Variants in MDFIC2 observed in about 807,000 individuals in gnomAD.
MDFIC2 encodes MyoD family inhibitor domain containing 2.
intron 2 of MDFIC2, among the ~76,000 whole-genome samples, chr3:70,221,296 T>C (rs533501766): frequency 1.1e-4 from 17 of 152,264 alleles, no homozygotes; most frequent in African/African-American, 3.4e-4. Context: ...CTAAGTGCTT[T>C]AAATGAATTC....
At chr3:70,220,527 G>A (rs1037796426) in intron 2 of MDFIC2, among the ~76,000 whole-genome samples, 3 of 152,098 alleles carry the variant, frequency 2.0e-5, no homozygotes, top group African/African-American at 4.8e-5. Context: ...GTACAAAATT[G>A]AATTTACTAC....
At chr3:70,253,582 G>A (rs1373071128) in intron 2 of MDFIC2, among the ~76,000 whole-genome samples, 1 of 152,132 alleles carries the variant, frequency 6.6e-6, no homozygotes, top group Non-Finnish European at 1.5e-5. Flanking sequence ...AATTAGCCAG[G>A]TGTGGTGATG....
intron 2 of MDFIC2, among the ~76,000 whole-genome samples, chr3:70,268,902 G>A (rs1701949299): frequency 6.6e-6 from 1 of 152,080 alleles, no homozygotes; most frequent in African/African-American, 2.4e-5. Context: ...CACATATTAT[G>A]TATGGCCTCT....
intron 3 of MDFIC2, among the ~76,000 whole-genome samples, chr3:70,200,252 A>G (rs1189143590): frequency 6.6e-6 from 1 of 152,182 alleles, no homozygotes; most frequent in Non-Finnish European, 1.5e-5. Context: ...CTTCAAATTC[A>G]TCAGCTCCTT....
At chr3:70,225,349 G>T (rs1362514840) in intron 2 of MDFIC2, among the ~76,000 whole-genome samples, 1 of 152,178 alleles carries the variant, frequency 6.6e-6, no homozygotes, top group Non-Finnish European at 1.5e-5. Context: ...GTGCTCATTT[G>T]CAGAGTTCTG....
At chr3:70,252,850 C>A (rs1701782027) in intron 2 of MDFIC2, among the ~76,000 whole-genome samples, 1 of 151,794 alleles carries the variant, frequency 6.6e-6, no homozygotes, top group Non-Finnish European at 1.5e-5. Flanking sequence ...GAGGCTGAGG[C>A]AGGCAGATCA....
At chr3:70,205,480 A>T (rs1402555587) in intron 3 of MDFIC2, 2 of 152,166 alleles carry the variant, frequency 1.3e-5, no homozygotes, top group Non-Finnish European at 2.9e-5. Context: ...CTTTCTAAAA[A>T]TGTAATCACA....
At chr3:70,284,880 G>A (rs1702126810) in intron 2 of MDFIC2, among the ~76,000 whole-genome samples, 1 of 152,060 alleles carries the variant, frequency 6.6e-6, no homozygotes, top group South Asian at 2.1e-4. Context: ...ACCTGCACAT[G>A]TACCCCTGAA....
intron 2 of MDFIC2, among the ~76,000 whole-genome samples, chr3:70,269,549 G>A (rs768568815): frequency 1.2e-4 from 19 of 152,144 alleles, no homozygotes; most frequent in Non-Finnish European, 2.5e-4. Flanking sequence ...TTTTGACCAC[G>A]TAGCAGGGTT....
intron 2 of MDFIC2, among the ~76,000 whole-genome samples, chr3:70,208,337 G>A (rs981496796): frequency 6.6e-6 from 1 of 152,026 alleles, no homozygotes; most frequent in African/African-American, 2.4e-5. Context: ...TGCTTATGCA[G>A]CTCAGTGCAA....
intron 2 of MDFIC2, chr3:70,291,781 C>T (rs1207787281): frequency 1.3e-5 from 2 of 152,180 alleles, no homozygotes; most frequent in African/African-American, 4.8e-5. Context: ...GTAATAGATG[C>T]TCACTAAATT....
At chr3:70,242,368 A>G (rs1203936967) in intron 2 of MDFIC2, among the ~76,000 whole-genome samples, 1 of 152,140 alleles carries the variant, frequency 6.6e-6, no homozygotes, top group East Asian at 1.9e-4. Flanking sequence ...CAGTTTTTAA[A>G]CTTTTTTCCC....
chr3:70,247,763 A>G (rs2106647876), intron 2 of MDFIC2, among the ~76,000 whole-genome samples: 1 of 152,150 alleles, frequency 6.6e-6, no homozygotes, highest in East Asian at 1.9e-4. Context: ...GTAAAAAAAG[A>G]GAGTGAGACA....
At chr3:70,280,570 A>G (rs527648362) in intron 2 of MDFIC2, among the ~76,000 whole-genome samples, 5 of 152,244 alleles carry the variant, frequency 3.3e-5, no homozygotes, top group Admixed American at 3.3e-4. Flanking sequence ...TCAGAAAACG[A>G]TATCCTAAAA....
rs1251005797 is a variant in MDFIC2 at position 70,237,977 on chromosome 3, A to ATATTTTTTTTTTT, written c.89-31188_89-31187insAAAAAAAAAAATA. On this transcript the variant is annotated intron_variant, in intron 2 of 3. Coordinates refer to ENST00000567252, the MANE Select transcript of MDFIC2 (RefSeq NM_001364677.1). The stretch of plus-strand genomic sequence containing the variant: ...AGGGAAAAGAAACTAATTGAGTGGT[A>ATATTTTTTTTTTT]TCTTTTTTTTTTTTTTTTTTTTTTT... Among the ~76,000 whole-genome samples, 2 of 13,002 alleles carry ATATTTTTTTTTTT rather than the reference A, an allele frequency of 1.5e-4. 1 individual carries two copies. The highest frequency in any genetic ancestry group is 2.9e-4 in the Non-Finnish European group (2 of 6,904). The allele number at this position is 13,002 out of a possible 152,430, so 8.5% of individuals were successfully genotyped here. A position where few individuals can be genotyped will look rare whatever the true frequency, so the allele number is the denominator to read the frequency against.
At chr3:70,303,406 G>GA (rs941996819) in intron 2 of MDFIC2, among the ~76,000 whole-genome samples, 2 of 151,864 alleles carry the variant, frequency 1.3e-5, no homozygotes, top group African/African-American at 2.4e-5. Flanking sequence ...AGAATAGGAG[G>GA]AAAAAAAATT....
At chr3:70,296,559 A>G (rs1702291101) in intron 2 of MDFIC2, among the ~76,000 whole-genome samples, 2 of 151,710 alleles carry the variant, frequency 1.3e-5, no homozygotes, top group African/African-American at 4.9e-5. Context: ...AATCTACCCT[A>G]CATTTCTCTC....
rs2106714188 is a variant in MDFIC2, at chr3:70,194,508, T to A, written c.*2418A>T. Among the ~76,000 whole-genome samples the A allele has an allele frequency of 6.6e-6, 1 of 152,332 alleles. No individual in the cohort carries two copies. The highest frequency in any genetic ancestry group is 1.9e-4 in the East Asian group (1 of 5,182). ...TGCAAAAAGGATGATGTTTTATTAT[T>A]GGTTATAAAGAAAAGAAATTTCACA... is the stretch of plus-strand genomic sequence containing the variant. On this transcript the variant is annotated 3_prime_UTR_variant, in exon 4 of 4. Transcript: ENST00000567252.
chr3:70,214,238 C>G (rs962484529), intron 2 of MDFIC2, among the ~76,000 whole-genome samples: 2 of 152,014 alleles, frequency 1.3e-5, no homozygotes, highest in African/African-American at 4.8e-5. Context: ...TTTCAAATGG[C>G]AGCTCTGGTT....
Sources: gnomAD v4.1 joint callset for allele counts (sites outside exome capture counted in the v4.1 genomes callset) on GRCh38, gnomAD v4.1.1 for gene constraint, MANE v1.5 for transcripts, NCBI Gene and HGNC (gene_info 2026-07-23, HGNC 2026-07-21) for gene names.